Variants in SUMF1 observed in about 807,000 individuals in gnomAD.
SUMF1 encodes the protein sulfatase modifying factor 1.
A neutral mutation model predicts 47.6 loss-of-function variants in SUMF1; 48 were observed. That is an observed-to-expected ratio of 1.01 (90% CI 0.80 to 1.28). SUMF1 has a LOEUF of 1.28. Among genes scored for constraint, SUMF1 ranks in the 50% most tolerant of loss-of-function variants. The pLI is 0.00. For synonymous variants in SUMF1, 230 were observed against 192.1 expected (o/e 1.20, Z -1.63); for missense variants, 571 against 485.4 (o/e 1.18, Z -1.66).
At chr3:4,158,383 C>T (rs905301821) in intron 8 of SUMF1, among the ~76,000 whole-genome samples, 6 of 151,040 alleles carry the variant, frequency 4.0e-5, no homozygotes, top group Admixed American at 2.6e-4. Flanking sequence ...TGGTCTATCC[C>T]GAGAATGATC....
At chr3:4,318,157 G>T (rs918603196) in intron 8 of SUMF1, among the ~76,000 whole-genome samples, 3 of 150,756 alleles carry the variant, frequency 2.0e-5, no homozygotes, top group Non-Finnish European at 4.4e-5. Context: ...TACTAGGAAA[G>T]AAAACTAATA....
chr3:4,313,356 A>G, intron 8 of SUMF1: 1 of 1,613,986 alleles, frequency 6.2e-7, no homozygotes, highest in East Asian at 2.2e-5. Flanking sequence ...ATGGGCAGGT[A>G]ATGGAAACAT....
chr3:4,280,750 C>T (rs999548694), intron 8 of SUMF1, among the ~76,000 whole-genome samples: 2 of 151,958 alleles, frequency 1.3e-5, no homozygotes, highest in African/African-American at 4.8e-5. Context: ...CCAGGCCTCC[C>T]TCCTAGTGTC....
At chr3:4,292,950 G>A (rs914114049) in intron 8 of SUMF1, among the ~76,000 whole-genome samples, 2 of 152,100 alleles carry the variant, frequency 1.3e-5, no homozygotes, top group Non-Finnish European at 2.9e-5. Flanking sequence ...GTTCTTCTAA[G>A]CTAAGCTCAT....
chr3:4,047,100 C>T (rs1265423164), intron 9 of SUMF1, among the ~76,000 whole-genome samples: 1 of 152,054 alleles, frequency 6.6e-6, no homozygotes, highest in Admixed American at 6.6e-5. Flanking sequence ...AACACTCCTG[C>T]CCCAGATCTT....
chr3:4,347,028 G>C (rs1453372092), intron 8 of SUMF1, among the ~76,000 whole-genome samples: 2 of 152,150 alleles, frequency 1.3e-5, no homozygotes, highest in South Asian at 2.1e-4. Flanking sequence ...CTCTGAAATT[G>C]AGGCAGTAAT....
intron 1 of SUMF1, among the ~76,000 whole-genome samples, chr3:4,464,431 TGA>T (rs376795994): frequency 3.3e-5 from 5 of 151,014 alleles, no homozygotes; most frequent in African/African-American, 1.2e-4. Context: ...TGTGTGTGTG[TGA>T]GAGAGAGAGA....
chr3:4,199,608 A>C (rs1695499518), intron 8 of SUMF1, among the ~76,000 whole-genome samples: 2 of 152,122 alleles, frequency 1.3e-5, no homozygotes, highest in African/African-American at 4.8e-5. Context: ...TGAGGGCTCC[A>C]GTTTCTTCAT....
At chr3:4,144,258 C>T (rs544123504) in intron 8 of SUMF1, among the ~76,000 whole-genome samples, 6 of 152,194 alleles carry the variant, frequency 3.9e-5, no homozygotes, top group Non-Finnish European at 8.8e-5. Flanking sequence ...TGAGCCATAG[C>T]ACTCGGCCCA....
chr3:4,377,980 G>A lies in SUMF1; in HGVS notation c.955-1591C>T, dbSNP rs545779795. On this transcript the variant is annotated intron_variant, in intron 7 of 8. Transcript: ENST00000272902. ...AAAGAATCACGTTTTCTCCAAGCAT[G>A]GCTAATGTACTTTCTTGCAAATGTA... Among the ~76,000 whole-genome samples, 20 of 152,278 alleles carry A rather than the reference G, an allele frequency of 1.3e-4. No individual in the cohort carries two copies. In the East Asian group the frequency reaches 3.3e-3, roughly 25 times the overall value.
At position 4,284,431 on chromosome 3, in the gene SUMF1, T is replaced by C. The variant is rs1293553053; in HGVS notation, c.1014+91899A>G. Among the ~76,000 whole-genome samples the C allele has an allele frequency of 2.1e-3, 211 of 99,856 alleles. 1 individual carries two copies. The highest frequency in any genetic ancestry group is 5.8e-3 in the Middle Eastern group (1 of 172). The allele number at this position is 99,856 out of a possible 152,430, so 65.5% of individuals were successfully genotyped here. On this transcript the variant is annotated intron_variant and NMD_transcript_variant, in intron 8 of 12. Transcript: ENST00000448413. ...CTGTCCCAAAAAAAAAATAAGTAAATAAAAAATGAAAGGAGGAGGAGGAGG... is the reference window on the plus strand; with the variant it reads ...CTGTCCCAAAAAAAAAATAAGTAAACAAAAAATGAAAGGAGGAGGAGGAGG...
chr3:4,424,185 C>G (rs1202765750), intron 3 of SUMF1, among the ~76,000 whole-genome samples: 1 of 152,132 alleles, frequency 6.6e-6, no homozygotes, highest in South Asian at 2.1e-4. Flanking sequence ...CCAGATATCA[C>G]CCTACACATA....
In SUMF1 at chr3:4,224,044, A is replaced by C. The variant is rs376312172; in HGVS notation, c.1014+152286T>G. Among the ~76,000 whole-genome samples the C allele has an allele frequency of 3.3e-5, 5 of 152,258 alleles. 1 individual carries two copies. The South Asian group carries it at 6.2e-4, about 19-fold the overall frequency. ...GAGGGAAAAAGAATCAAGGGCAGGC[A>C]AAAGAACCAGGGGCCGGGGGTGGAG... On this transcript the variant is annotated intron_variant and NMD_transcript_variant, in intron 8 of 12. Coordinates refer to the SUMF1 transcript ENST00000448413.
At chr3:4,060,540 C>G (rs1240822398) in intron 9 of SUMF1, among the ~76,000 whole-genome samples, 1 of 152,178 alleles carries the variant, frequency 6.6e-6, no homozygotes, top group Non-Finnish European at 1.5e-5. Flanking sequence ...ACACCCCCAG[C>G]AGAGTCTTGG....
At chr3:4,378,118 T>C (rs1700387454) in intron 7 of SUMF1, among the ~76,000 whole-genome samples, 1 of 152,176 alleles carries the variant, frequency 6.6e-6, no homozygotes, top group Non-Finnish European at 1.5e-5. Context: ...AAAATATTAT[T>C]AAGTCAAAAA....
intron 8 of SUMF1, among the ~76,000 whole-genome samples, chr3:4,183,184 G>C (rs999910048): frequency 6.6e-6 from 1 of 152,152 alleles, no homozygotes; most frequent in Non-Finnish European, 1.5e-5. Flanking sequence ...GGCAAAGACA[G>C]TTAATTTACT....
chr3:4,319,712 G>A (rs936536252), intron 8 of SUMF1, among the ~76,000 whole-genome samples: 33 of 152,286 alleles, frequency 2.2e-4, no homozygotes, highest in African/African-American at 7.5e-4. Flanking sequence ...CAGCACACAC[G>A]TGTTCATAAC....
chr3:4,078,227 A>T (rs980278993), intron 8 of SUMF1, among the ~76,000 whole-genome samples: 3 of 152,146 alleles, frequency 2.0e-5, no homozygotes, highest in Non-Finnish European at 4.4e-5. Flanking sequence ...GCATCCCTCA[A>T]AATCAAACTA....
chr3:4,110,964 G>A (rs1294955071), intron 8 of SUMF1, among the ~76,000 whole-genome samples: 1 of 150,664 alleles, frequency 6.6e-6, no homozygotes, highest in Non-Finnish European at 1.5e-5. Context: ...TGCATGTTGT[G>A]CACATGTACC....
Sources: gnomAD v4.1 joint callset for allele counts (sites outside exome capture counted in the v4.1 genomes callset) on GRCh38, gnomAD v4.1.1 for gene constraint, MANE v1.5 for transcripts, NCBI Gene and HGNC (gene_info 2026-07-23, HGNC 2026-07-21) for gene names.